PCDH15: variants seen among roughly 807,000 people sequenced by gnomAD.
The protein encoded by PCDH15 is protocadherin-15.
A neutral mutation model predicts 178.5 loss-of-function variants in PCDH15; 129 were observed. The ratio of observed to expected loss-of-function variants is 0.72; its 90% CI spans 0.63 to 0.84. The LOEUF is 0.84. Among genes scored for constraint, PCDH15 ranks in the 40% least tolerant of loss-of-function variants. PCDH15 has a pLI of 0.00. For missense variants in PCDH15, 2,230 were observed against 2,099.9 expected, an observed-to-expected ratio of 1.06 and a Z score of -1.21; for synonymous variants, 800 against 732.0, an observed-to-expected ratio of 1.09 and a Z score of -1.50.
chr10:53,923,665 A>G (rs993420153), intron 25 of PCDH15, among the ~76,000 whole-genome samples: 16 of 152,190 alleles, frequency 1.1e-4, no homozygotes. Flanking sequence ...GGCACTAGCT[A>G]TAGTTATTGT....
intron 27 of PCDH15, among the ~76,000 whole-genome samples, chr10:53,863,833 A>T (rs1485392595): frequency 2.0e-5 from 3 of 152,196 alleles, no homozygotes; most frequent in Non-Finnish European, 4.4e-5. Flanking sequence ...CTTTAGATAA[A>T]AACAGAATTC....
At chr10:55,539,601 T>C (rs1841710709) in intron 2 of PCDH15, among the ~76,000 whole-genome samples, 1 of 152,108 alleles carries the variant, frequency 6.6e-6, no homozygotes, top group African/African-American at 2.4e-5. Flanking sequence ...TTCAATAATG[T>C]TTTTTGACAG....
intron 29 of PCDH15, among the ~76,000 whole-genome samples, chr10:53,832,092 A>G (rs1271819158): frequency 6.6e-6 from 1 of 152,098 alleles, no homozygotes; most frequent in Admixed American, 6.6e-5. Context: ...TCAAGTTTCA[A>G]ACCAAAAGAA....
intron 37 of PCDH15, chr10:53,809,543 C>T: frequency 6.2e-7 from 1 of 1,606,536 alleles, no homozygotes; most frequent in Non-Finnish European, 8.5e-7. Context: ...TTCTTTGGCT[C>T]TTCCTGAAAA....
intron 15 of PCDH15, among the ~76,000 whole-genome samples, chr10:54,118,058 G>T (rs1056562004): frequency 5.4e-4 from 82 of 152,154 alleles, no homozygotes; most frequent in Non-Finnish European, 1.2e-4. Context: ...AACTTAAGTG[G>T]CAGTGAAAAA....
chr10:54,716,024 A>G (rs12218256), intron 1 of PCDH15, among the ~76,000 whole-genome samples: 18,529 of 152,092 alleles, frequency 0.12, 1,259 homozygotes, highest in African/African-American at 0.17. Flanking sequence ...TCCCATGCAG[A>G]GAACCTGAGG....
chr10:55,277,053 AT>A, intron 1 of PCDH15, among the ~76,000 whole-genome samples: 1 of 152,120 alleles, frequency 6.6e-6, no homozygotes, highest in East Asian at 1.9e-4. Flanking sequence ...TAGCTCTTAC[AT>A]TTATTTAAAA....
intron 14 of PCDH15, among the ~76,000 whole-genome samples, chr10:54,145,279 T>G (rs1220590111): frequency 6.6e-6 from 1 of 152,060 alleles, no homozygotes; most frequent in African/African-American, 2.4e-5. Context: ...TATCTTATTA[T>G]TATTTTCTAT....
At chr10:55,419,774 T>C (rs1343368248) in intron 2 of PCDH15, among the ~76,000 whole-genome samples, 1 of 151,462 alleles carries the variant, frequency 6.6e-6, no homozygotes, top group East Asian at 1.9e-4. Context: ...AGTGTTGGAG[T>C]TGACTACTTG....
At chr10:54,870,735 G>A (rs1017382090) in intron 3 of PCDH15, among the ~76,000 whole-genome samples, 2 of 151,820 alleles carry the variant, frequency 1.3e-5, no homozygotes, top group African/African-American at 2.4e-5. Flanking sequence ...GCAGTGAGCC[G>A]AGATCGCACC....
intron 3 of PCDH15, among the ~76,000 whole-genome samples, chr10:54,469,198 G>A (rs1242886245): frequency 2.0e-5 from 3 of 152,166 alleles, no homozygotes; most frequent in Non-Finnish European, 2.9e-5. Context: ...CAAGGTTCAA[G>A]CTTTTCTCCC....
At chr10:54,764,659 C>A (rs191153710) in intron 1 of PCDH15, among the ~76,000 whole-genome samples, 27 of 151,980 alleles carry the variant, frequency 1.8e-4, no homozygotes, top group African/African-American at 6.3e-4. Flanking sequence ...TGTGTTGATA[C>A]GATAGACCAA....
chr10:55,297,955 C>T (rs764609998), intron 1 of PCDH15, among the ~76,000 whole-genome samples: 20 of 152,022 alleles, frequency 1.3e-4, no homozygotes, highest in Non-Finnish European at 2.4e-4. Context: ...AGAAGTAAAG[C>T]CCTCCACAAT....
intron 3 of PCDH15, among the ~76,000 whole-genome samples, chr10:54,822,539 T>G (rs1389885662): frequency 2.0e-5 from 3 of 152,216 alleles, no homozygotes; most frequent in African/African-American, 7.2e-5. Context: ...CATCTTTTGA[T>G]GAAAACTTAG....
intron 32 of PCDH15, 66 bp from the exon 33 acceptor site, chr10:53,820,296 T>C (rs577204669): frequency 2.5e-6 from 1 of 396,462 alleles, no homozygotes; most frequent in Non-Finnish European, 4.5e-6. Context: ...TAATTACTCT[T>C]GATTTCGATG....
At chr10:54,347,166 A>G (rs931181767) in intron 5 of PCDH15, among the ~76,000 whole-genome samples, 3 of 152,148 alleles carry the variant, frequency 2.0e-5, no homozygotes, top group African/African-American at 7.2e-5. Flanking sequence ...TGCCCACAAG[A>G]GAATCACCGT....
chr10:54,619,020 A>T (rs2093274616), intron 2 of PCDH15: 1 of 152,100 alleles, frequency 6.6e-6, no homozygotes, highest in Admixed American at 6.6e-5. Context: ...GATGTTACTC[A>T]TTAGCTCTAT....
At chr10:55,127,180 G>C (rs1056226168) in intron 2 of PCDH15, among the ~76,000 whole-genome samples, 1 of 152,002 alleles carries the variant, frequency 6.6e-6, no homozygotes, top group African/African-American at 2.4e-5. Context: ...TTGTAACTTG[G>C]ATGCCACCAT....
chr10:54,329,492 A>G, intron 7 of PCDH15, 104 bp downstream of exon 7: 1 of 817,656 alleles, frequency 1.2e-6, no homozygotes, highest in Non-Finnish European at 2.1e-6. Flanking sequence ...GCCCTGATGA[A>G]GAAGTGAGTG....
Sources: gnomAD v4.1 joint callset for allele counts (sites outside exome capture counted in the v4.1 genomes callset) on GRCh38, gnomAD v4.1.1 for gene constraint, MANE v1.5 for transcripts, NCBI Gene and HGNC (gene_info 2026-07-23, HGNC 2026-07-21) for gene names.